RPS6KA2: variants seen among roughly 807,000 people sequenced by gnomAD.
RPS6KA2 encodes ribosomal protein S6 kinase alpha-2.
RPS6KA2 carries 42 observed loss-of-function variants against 91.8 expected under a neutral mutation model. The observed-to-expected ratio is 0.46, with a 90% CI of 0.36 to 0.59. The LOEUF is 0.59. RPS6KA2 is among the 20% of genes least tolerant of loss of function. The pLI is 0.00. For synonymous variants in RPS6KA2, 414 were observed against 393.6 expected (o/e 1.05, Z -0.61); for missense variants, 798 against 978.5 (o/e 0.82, Z 2.46).
intron 3 of RPS6KA2, among the ~76,000 whole-genome samples, chr6:166,514,032 T>C (rs751577538): frequency 6.6e-6 from 1 of 152,180 alleles, no homozygotes; most frequent in South Asian, 2.1e-4. Flanking sequence ...TAGTTTTTCT[T>C]CTCTATGTAG....
Position 166,437,798 on chromosome 6 carries a change from G to C in RPS6KA2, c.1333-5308C>G, listed in dbSNP as rs760441429. On this transcript the variant is annotated intron_variant, in intron 14 of 20. Coordinates refer to ENST00000265678, the MANE Select transcript of RPS6KA2 (RefSeq NM_021135.6). The surrounding 1 kb of genome is among the most constrained non-coding windows in gnomAD (Gnocchi z 4.3). ...GCCGAAGGCGACAACAGGAGACTTC[G>C]CTGCTCTTGATAACACCTTTCCTCC... Among the ~76,000 whole-genome samples the C allele has an allele frequency of 6.6e-6, 1 of 151,978 alleles. No homozygotes were observed. Among genetic ancestry groups the C allele is most frequent in the African/African-American group, 2.4e-5 (1 of 41,380 alleles).
intron 2 of RPS6KA2, among the ~76,000 whole-genome samples, chr6:166,664,949 G>A (rs973053520): frequency 3.9e-5 from 6 of 152,166 alleles, no homozygotes; most frequent in African/African-American, 1.4e-4. Context: ...TTGAGGATAA[G>A]AGAAAACAAG....
intron 2 of RPS6KA2, among the ~76,000 whole-genome samples, chr6:166,743,091 C>T (rs554044009): frequency 8.7e-4 from 133 of 152,366 alleles, no homozygotes; most frequent in African/African-American, 3.1e-3. Flanking sequence ...CAAACTAGCA[C>T]TTATGTACTT....
intron 15 of RPS6KA2, 69 bp from the exon 16 acceptor site, chr6:166,430,680 G>T: frequency 6.6e-7 from 1 of 1,506,780 alleles, no homozygotes; most frequent in Non-Finnish European, 9.0e-7. Flanking sequence ...TACTCCAGAG[G>T]GGACAGGAGA....
chr6:166,723,627 G>A (rs376141704), intron 2 of RPS6KA2, among the ~76,000 whole-genome samples: 53 of 152,124 alleles, frequency 3.5e-4, no homozygotes, highest in African/African-American at 1.2e-3. Context: ...AATAAAGTCC[G>A]AACTAACTCT....
intron 2 of RPS6KA2, among the ~76,000 whole-genome samples, chr6:166,800,216 C>G (rs959849852): frequency 2.0e-5 from 3 of 152,326 alleles, no homozygotes; most frequent in Non-Finnish European, 4.4e-5. Context: ...GGCAATTAGG[C>G]CAACGTACCA....
Position 166,495,326 on chromosome 6 carries a change from A to G in RPS6KA2, c.747+3182T>C, listed in dbSNP as rs944880668. Among the ~76,000 whole-genome samples the G allele has an allele frequency of 1.3e-5, 2 of 152,094 alleles. No homozygotes were observed. Among genetic ancestry groups the G allele is most frequent in the African/African-American group, 4.8e-5 (2 of 41,408 alleles). Reference sequence around the variant, plus strand: ...AGTGACACAGCAGTTCTGGAGCCGGACCCCTTCCCCAGCTGTCACGAGACA... The same window carrying G: ...AGTGACACAGCAGTTCTGGAGCCGGGCCCCTTCCCCAGCTGTCACGAGACA... On this transcript the variant is annotated intron_variant, in intron 8 of 20. Coordinates refer to ENST00000265678, the MANE Select transcript of RPS6KA2 (RefSeq NM_021135.6). This position sits in a 1 kb window ranked among gnomAD's most constrained non-coding sequence, Gnocchi z 4.4.
chr6:166,468,927 T>C (rs1251471648), intron 11 of RPS6KA2, among the ~76,000 whole-genome samples: 2 of 152,028 alleles, frequency 1.3e-5, no homozygotes, highest in Admixed American at 6.5e-5. Flanking sequence ...GTAGAGGGCA[T>C]TTAAATCTTA....
chr6:166,503,544 G>A (rs1411374881), intron 6 of RPS6KA2, among the ~76,000 whole-genome samples: 1 of 152,178 alleles, frequency 6.6e-6, no homozygotes, highest in African/African-American at 2.4e-5. Context: ...ACCCAAGGCC[G>A]GTCGGTCCCA....
Position 166,488,889 on chromosome 6 carries a change from C to G in RPS6KA2, c.851G>C (p.Gly284Ala), listed in dbSNP as rs151128520. The G allele has an allele frequency of 5.7e-4, 915 of 1,613,612 alleles. 3 individuals are homozygous for G. Among genetic ancestry groups the G allele is most frequent in the South Asian group, 5.1e-4 (46 of 90,968 alleles). The change falls in exon 10 of 21, where the codon GGG becomes GCG. Residue 284 changes from glycine to alanine, a missense_variant. Gly to Ala is a moderately conservative substitution (Grantham distance 60). Transcript: ENST00000265678. ...AGCTCGCAGCAAACTCTGTGCCTCC[C>G]CACTGAGGAACTGCGGCATCCCCAG... ...AKLGMPQFLS[G>A]EAQSLLRALF...
intron 2 of RPS6KA2, among the ~76,000 whole-genome samples, chr6:166,640,381 A>C (rs1787387385): frequency 6.6e-6 from 1 of 152,392 alleles, no homozygotes; most frequent in African/African-American, 2.4e-5. Context: ...ACTAGAGATG[A>C]GAACTTGATG....
intron 2 of RPS6KA2, among the ~76,000 whole-genome samples, chr6:166,659,095 T>A (rs1788084630): frequency 1.3e-5 from 2 of 152,062 alleles, no homozygotes; most frequent in South Asian, 4.2e-4. Context: ...TACATGGGGA[T>A]CACAGAGTCA....
chr6:166,681,034 C>G (rs1788790311), intron 2 of RPS6KA2, among the ~76,000 whole-genome samples: 1 of 152,222 alleles, frequency 6.6e-6, no homozygotes, highest in Admixed American at 6.5e-5. Flanking sequence ...CCCATATCTT[C>G]TCACCCCTTC....
At chr6:166,470,054 G>A (rs1262969320) in intron 10 of RPS6KA2, 149 bp from the exon 11 acceptor site, 2 of 693,594 alleles carry the variant, frequency 2.9e-6, no homozygotes, top group Non-Finnish European at 5.0e-6. Flanking sequence ...CAAGGCACCT[G>A]CGCACCTGCC....
rs922935570 is a variant in RPS6KA2, at chr6:166,849,879, G to A, written c.123+8321C>T. Among the ~76,000 whole-genome samples, 5 of 152,318 alleles carry A rather than the reference G, an allele frequency of 3.3e-5. No homozygotes were observed. Among genetic ancestry groups the A allele is most frequent in the Middle Eastern group, 3.4e-3 (1 of 294 alleles). ...CTACATAAGACAGAAGTGAGACACCGGGTTCAGGGACCAGGGGCACTCATG... is the reference window on the plus strand; with the variant it reads ...CTACATAAGACAGAAGTGAGACACCAGGTTCAGGGACCAGGGGCACTCATG... On this transcript the variant is annotated intron_variant, in intron 2 of 21. Coordinates refer to the RPS6KA2 transcript ENST00000503859. This position sits in a 1 kb window ranked among gnomAD's most constrained non-coding sequence, Gnocchi z 4.9.
chr6:166,521,045 G>A (rs543666956), intron 3 of RPS6KA2, among the ~76,000 whole-genome samples: 18 of 152,366 alleles, frequency 1.2e-4, no homozygotes, highest in South Asian at 2.1e-4. Context: ...TGGCTGTCCC[G>A]GGTGCAGCTC....
In RPS6KA2 at chr6:166,575,364, A is replaced by AC. The variant is rs1176667776; in HGVS notation, c.100-36581_100-36580insG. On this transcript the variant is annotated intron_variant, in intron 1 of 20. Coordinates refer to ENST00000265678, the MANE Select transcript of RPS6KA2 (RefSeq NM_021135.6). ...TATTTTCAGCGCTGGCTTTTGCTGG[A>AC]GTCCAGACCTGCCAAATCGAGCACG... Among the ~76,000 whole-genome samples, 8 of 152,186 alleles carry AC rather than the reference A, an allele frequency of 5.3e-5. 1 individual carries two copies. Among genetic ancestry groups the AC allele is most frequent in the African/African-American group, 1.9e-4 (8 of 41,434 alleles).
At chr6:166,622,121 G>C (rs1050226590) in intron 1 of RPS6KA2, among the ~76,000 whole-genome samples, 1 of 152,134 alleles carries the variant, frequency 6.6e-6, no homozygotes, top group South Asian at 2.1e-4. Context: ...TGCTGGGTGT[G>C]GCCAAAGACA....
chr6:166,702,284 T>A, intron 2 of RPS6KA2: 1 of 1,613,392 alleles, frequency 6.2e-7, no homozygotes, highest in Non-Finnish European at 8.5e-7. Context: ...TGGAGACCCC[T>A]GCCTTGAGGA....
Sources: gnomAD v4.1 joint callset for allele counts (sites outside exome capture counted in the v4.1 genomes callset) on GRCh38, gnomAD v4.1.1 for gene constraint, Gnocchi (gnomAD v3.1) non-coding constraint, MANE v1.5 for transcripts, NCBI Gene and HGNC (gene_info 2026-07-23, HGNC 2026-07-21) for gene names.